The following CEP83 variants were observed in gnomAD, a reference collection of about 807,000 sequenced individuals.
The protein encoded by CEP83 is centrosomal protein 83.
In CEP83, 70 loss-of-function variants were observed where a neutral mutation model predicts 101.9. That is an observed-to-expected ratio of 0.69 (90% CI 0.57 to 0.84). CEP83 has a LOEUF of 0.84. Ranked by LOEUF, CEP83 falls within the 40% of genes least tolerant of loss-of-function variation. The probability of loss-of-function intolerance (pLI) is 0.00; values close to 1 mark genes in which losing one functional copy is unlikely to be tolerated. For synonymous variants in CEP83, 264 were observed against 267.9 expected (o/e 0.99, Z 0.14); for missense variants, 715 against 787.2 (o/e 0.91, Z 1.10).
intron 15 of CEP83, chr12:94,312,624 T>A (rs1278545699): frequency 1.6e-5 from 16 of 985,304 alleles, no homozygotes; most frequent in Non-Finnish European, 1.8e-5. Context: ...TAGCTACAAC[T>A]GTCTTGTACA....
intron 6 of CEP83, among the ~76,000 whole-genome samples, chr12:94,398,528 G>A (rs1206100719): frequency 6.6e-6 from 1 of 152,154 alleles, no homozygotes. Context: ...AGCTGAGGAT[G>A]TACATCACCT....
intron 2 of CEP83, among the ~76,000 whole-genome samples, chr12:94,428,584 A>T (rs1054409802): frequency 2.0e-5 from 3 of 152,244 alleles, no homozygotes; most frequent in Non-Finnish European, 4.4e-5. Context: ...CAGTTAACAC[A>T]AACATTCTCT....
chr12:94,282,116 C>A, the CEP83 span: 1 of 525,266 alleles, frequency 1.9e-6, no homozygotes, highest in Non-Finnish European at 3.3e-6. Context: ...CATCAGAGCC[C>A]TAAACAAACA....
At chr12:94,418,460 A>G (rs1408324934) in intron 2 of CEP83, among the ~76,000 whole-genome samples, 2 of 152,222 alleles carry the variant, frequency 1.3e-5, no homozygotes, top group Non-Finnish European at 2.9e-5. Flanking sequence ...TGCACTGGGA[A>G]GATACAACTA....
the CEP83 span, among the ~76,000 whole-genome samples, chr12:94,268,166 T>C: frequency 6.6e-6 from 1 of 152,192 alleles, no homozygotes; most frequent in East Asian, 1.9e-4. Context: ...CAGCACCTCA[T>C]ATAGCAATCT....
At chr12:94,332,426 T>C (rs766044601) in intron 13 of CEP83, among the ~76,000 whole-genome samples, 39 of 152,316 alleles carry the variant, frequency 2.6e-4, no homozygotes, top group South Asian at 6.2e-4. Flanking sequence ...CCTGAGAAGT[T>C]AGATTACTTG....
At chr12:94,282,543 C>T in the CEP83 span, 10 of 619,954 alleles carry the variant, frequency 1.6e-5, no homozygotes, top group East Asian at 1.7e-4. Flanking sequence ...AGTTTTCTTT[C>T]GTTGCTTGTG....
At chr12:94,333,007 T>G (rs1251247963) in intron 13 of CEP83, among the ~76,000 whole-genome samples, 1 of 147,414 alleles carries the variant, frequency 6.8e-6, no homozygotes, top group Non-Finnish European at 1.5e-5. Context: ...CCCTACCAGT[T>G]TTACTCCATA....
intron 11 of CEP83, among the ~76,000 whole-genome samples, chr12:94,347,929 A>G (rs910322203): frequency 7.9e-5 from 12 of 152,206 alleles, no homozygotes; most frequent in African/African-American, 2.9e-4. Context: ...AATGATAACA[A>G]TAAAACTATA....
At chr12:94,370,410 G>C (rs958747897) in intron 8 of CEP83, among the ~76,000 whole-genome samples, 1 of 152,196 alleles carries the variant, frequency 6.6e-6, no homozygotes, top group Non-Finnish European at 1.5e-5. Flanking sequence ...GTCTTGCTAT[G>C]TCATCCAGGC....
downstream of CEP83, chr12:94,304,408 C>T (rs1968791708): frequency 1.7e-5 from 3 of 181,096 alleles, no homozygotes; most frequent in Admixed American, 1.2e-4. Context: ...TGTTAAATTG[C>T]CTAGATTCTG....
chr12:94,454,416 T>C (rs932741547), intron 1 of CEP83, among the ~76,000 whole-genome samples: 2 of 152,226 alleles, frequency 1.3e-5, no homozygotes, highest in Non-Finnish European at 2.9e-5. Flanking sequence ...AGCTAAAGGA[T>C]TGCAAATGCA....
intron 2 of CEP83, among the ~76,000 whole-genome samples, chr12:94,431,203 C>G (rs2065595564): frequency 6.6e-6 from 1 of 152,028 alleles, no homozygotes; most frequent in Non-Finnish European, 1.5e-5. Flanking sequence ...AAAGAATGTC[C>G]CCTTCAATAA....
chr12:94,426,584 G>A (rs761742941), intron 2 of CEP83, among the ~76,000 whole-genome samples: 1 of 152,122 alleles, frequency 6.6e-6, no homozygotes, highest in Non-Finnish European at 1.5e-5. Flanking sequence ...TTCAGAAACA[G>A]TCTTCCAAAC....
chr12:94,445,716 T>C (rs1012245291), intron 1 of CEP83, among the ~76,000 whole-genome samples: 13 of 152,136 alleles, frequency 8.5e-5, no homozygotes, highest in African/African-American at 3.1e-4. Flanking sequence ...TAAGTAAACA[T>C]TTGTTTGTAT....
chr12:94,408,549 A>G (rs751061665), intron 4 of CEP83, among the ~76,000 whole-genome samples: 10 of 152,304 alleles, frequency 6.6e-5, no homozygotes, highest in Middle Eastern at 3.4e-3. Context: ...CAATAACAAC[A>G]TGTACTGACC....
intron 6 of CEP83, among the ~76,000 whole-genome samples, chr12:94,388,695 T>C (rs552647001): frequency 6.6e-6 from 1 of 152,384 alleles, no homozygotes; most frequent in Non-Finnish European, 1.5e-5. Flanking sequence ...ACACTGACTT[T>C]AATTTGTGCT....
In CEP83 at chr12:94,331,302, A is replaced by AAAAAAAAAAG. The variant is rs1555220981; in HGVS notation, c.1707+397_1707+398insCTTTTTTTTT. On this transcript the variant is annotated intron_variant, in intron 14 of 16. Transcript: ENST00000397809. ...GTCAGACTCTCAGAAAAAAAAAAAA[A>AAAAAAAAAAG]AAAAAAAAAAAAAAGATTTAATTAT... Among the ~76,000 whole-genome samples, 7 of 125,112 alleles carry AAAAAAAAAAG rather than the reference A, an allele frequency of 5.6e-5. 1 individual carries two copies. The highest frequency in any genetic ancestry group is 2.0e-4 in the African/African-American group (6 of 30,424). The allele number at this position is 125,112 out of a possible 152,430, so 82.1% of individuals were successfully genotyped here. A position where few individuals can be genotyped will look rare whatever the true frequency, so the allele number is the denominator to read the frequency against.
intron 2 of CEP83, chr12:94,424,229 A>G: frequency 6.2e-7 from 1 of 1,613,248 alleles, no homozygotes; most frequent in South Asian, 1.1e-5. Context: ...GGTCAAGGCC[A>G]TGATGCCCAT....
Sources: allele counts gnomAD v4.1 joint callset (sites outside exome capture counted in the v4.1 genomes callset), GRCh38; gene constraint gnomAD v4.1.1; transcripts MANE v1.5; gene names NCBI Gene and HGNC (gene_info 2026-07-23, HGNC 2026-07-21).